RTL4: variants seen among roughly 807,000 people sequenced by gnomAD.
RTL4 encodes retrotransposon Gag-like protein 4.
Under a neutral mutation model 5.3 loss-of-function variants are expected in RTL4, and 4 were observed. The observed-to-expected ratio is 0.75, with a 90% confidence interval of 0.37 to 1.72. The LOEUF is 1.72. RTL4 is among the 40% of genes most tolerant of loss of function. The pLI is 0.04. For missense variants in RTL4, 260 were observed against 227.1 expected (o/e 1.14, Z -0.93); for synonymous variants, 98 against 87.3 (o/e 1.12, Z -0.68).
the RTL4 span, among the ~76,000 whole-genome samples, chrX:112,128,997 G>T: frequency 1.8e-5 from 2 of 110,762 alleles, no homozygotes; most frequent in Non-Finnish European, 3.8e-5. Context: ...ACAACAAAAG[G>T]GCAAACAATC....
the RTL4 span, among the ~76,000 whole-genome samples, chrX:112,255,666 A>G: frequency 3.6e-5 from 4 of 111,825 alleles, no homozygotes; most frequent in African/African-American, 1.3e-4. Context: ...CCCTTAACCT[A>G]TATGATTATG....
At chrX:112,159,492 T>A in the RTL4 span, among the ~76,000 whole-genome samples, 1 of 111,852 alleles carries the variant, frequency 8.9e-6, no homozygotes, top group African/African-American at 3.3e-5. Context: ...ACCAAAGACA[T>A]CCAGCGGGGA....
At chrX:112,360,388 G>A in the RTL4 span, among the ~76,000 whole-genome samples, 5 of 110,989 alleles carry the variant, frequency 4.5e-5, no homozygotes, top group Non-Finnish European at 9.5e-5. Flanking sequence ...ATGTTATTTA[G>A]GAGTTTTAAA....
the RTL4 span, among the ~76,000 whole-genome samples, chrX:112,312,421 A>C: frequency 1.8e-5 from 2 of 112,101 alleles, no homozygotes; most frequent in East Asian, 2.8e-4. Context: ...CTGTAGAATA[A>C]GTTAATGTAT....
chrX:112,153,165 C>A, the RTL4 span, among the ~76,000 whole-genome samples: 2 of 112,135 alleles, frequency 1.8e-5, no homozygotes, highest in Non-Finnish European at 3.8e-5. Flanking sequence ...GGACTTAGTG[C>A]ATATTCTGTC....
At chrX:112,251,380 CT>C in the RTL4 span, among the ~76,000 whole-genome samples, 1 of 111,564 alleles carries the variant, frequency 9.0e-6, no homozygotes, top group Non-Finnish European at 1.9e-5. Context: ...CTTCTTCATC[CT>C]TTCCTCAGTG....
At chrX:112,095,351 A>C in the RTL4 span, among the ~76,000 whole-genome samples, 1 of 111,202 alleles carries the variant, frequency 9.0e-6, no homozygotes, top group Non-Finnish European at 1.9e-5. Flanking sequence ...TGAGAGAGCA[A>C]GCTAAGTAAA....
the RTL4 span, among the ~76,000 whole-genome samples, chrX:112,197,759 T>A: frequency 9.0e-6 from 1 of 111,598 alleles, no homozygotes; most frequent in African/African-American, 3.3e-5. Flanking sequence ...CTCTCTACCC[T>A]TCAGAATTTT....
the RTL4 span, among the ~76,000 whole-genome samples, chrX:112,210,088 C>A: frequency 1.8e-5 from 2 of 111,986 alleles, no homozygotes; most frequent in Non-Finnish European, 3.8e-5. Context: ...TGTTCTGGAC[C>A]CCACTCAACA....
the RTL4 span, among the ~76,000 whole-genome samples, chrX:112,378,862 C>T: frequency 8.9e-5 from 10 of 112,305 alleles, no homozygotes; most frequent in African/African-American, 3.2e-4. Flanking sequence ...TCTCCAACAG[C>T]GTACCATCCC....
chrX:112,098,089 C>A, the RTL4 span, among the ~76,000 whole-genome samples: 1 of 109,204 alleles, frequency 9.2e-6, no homozygotes, highest in Non-Finnish European at 1.9e-5. Flanking sequence ...AGGTATATCT[C>A]CTAATGCTAT....
chrX:112,241,277 C>T, the RTL4 span, among the ~76,000 whole-genome samples: 1 of 111,484 alleles, frequency 9.0e-6, no homozygotes, highest in Admixed American at 9.5e-5. Context: ...CACTGTCTCC[C>T]ACAATGTTTG....
the RTL4 span, among the ~76,000 whole-genome samples, chrX:112,402,268 T>G: frequency 8.9e-6 from 1 of 111,789 alleles, no homozygotes; most frequent in East Asian, 2.8e-4. Flanking sequence ...AATTTAAGGT[T>G]CTTGGAGATG....
the RTL4 span, among the ~76,000 whole-genome samples, chrX:112,341,541 C>T: frequency 9.0e-6 from 1 of 111,714 alleles, no homozygotes; most frequent in African/African-American, 3.3e-5. Flanking sequence ...ATTAAATTGA[C>T]TGGCTGTATC....
the RTL4 span, among the ~76,000 whole-genome samples, chrX:112,183,712 T>C: frequency 8.9e-5 from 10 of 111,926 alleles, no homozygotes; most frequent in Non-Finnish European, 1.7e-4. Flanking sequence ...TAAACAAATG[T>C]AGATGGCGGG....
At chrX:112,161,833 C>CT in the RTL4 span, among the ~76,000 whole-genome samples, 8,720 of 51,078 alleles carry the variant, frequency 0.17, 1,019 homozygotes, top group East Asian at 0.24. Flanking sequence ...TCCTTCCTTC[C>CT]TTCCTTCCTT....
chrX:112,413,896 C>T, the RTL4 span, among the ~76,000 whole-genome samples: 1 of 110,551 alleles, frequency 9.0e-6, no homozygotes, highest in African/African-American at 3.3e-5. Context: ...GATAGATATC[C>T]CATTTACCCT....
chrX:112,362,945 G>A, the RTL4 span, among the ~76,000 whole-genome samples: 1 of 111,070 alleles, frequency 9.0e-6, no homozygotes, highest in Non-Finnish European at 1.9e-5. Flanking sequence ...GGTCTGAGCT[G>A]TATCTTTCCC....
the RTL4 span, among the ~76,000 whole-genome samples, chrX:112,416,239 T>A: frequency 8.9e-6 from 1 of 111,797 alleles, no homozygotes. Context: ...TACTCCAGTA[T>A]GATCTCATCT....
Sources: gnomAD v4.1 joint callset for allele counts (sites outside exome capture counted in the v4.1 genomes callset) on GRCh38, gnomAD v4.1.1 for gene constraint, MANE v1.5 for transcripts, NCBI Gene and HGNC (gene_info 2026-07-23, HGNC 2026-07-21) for gene names.